The following TTLL5 variants were observed in gnomAD, a reference collection of about 807,000 sequenced individuals.
The protein encoded by TTLL5 is tubulin polyglutamylase TTLL5.
Under a neutral mutation model 168.4 loss-of-function variants are expected in TTLL5, and 132 were observed. The observed-to-expected ratio is 0.78, with a 90% CI of 0.68 to 0.91. The LOEUF is 0.91. Ranked by LOEUF, TTLL5 falls within the 40% of genes least tolerant of loss-of-function variation. TTLL5 has a pLI of 0.00. For synonymous variants in TTLL5, 546 were observed against 558.6 expected (o/e 0.98, Z 0.32); for missense variants, 1,545 against 1,581.5 (o/e 0.98, Z 0.39).
chr14:75,698,095 A>C (rs1885995342), intron 6 of TTLL5, among the ~76,000 whole-genome samples: 1 of 152,194 alleles, frequency 6.6e-6, no homozygotes, highest in Non-Finnish European at 1.5e-5. Context: ...TTTCATCAAA[A>C]GTGGAAGAGG....
At chr14:75,732,173 T>A in intron 12 of TTLL5, 165 bp from the exon 13 acceptor site, 1 of 572,690 alleles carries the variant, frequency 1.7e-6, no homozygotes. Context: ...TTAATTTCTC[T>A]TGAACTTGAA....
At chr14:75,728,389 C>T (rs1260884430) in intron 12 of TTLL5, among the ~76,000 whole-genome samples, 1 of 148,892 alleles carries the variant, frequency 6.7e-6, no homozygotes, top group African/African-American at 2.5e-5. Context: ...GAAAAAGAGA[C>T]TAAAGAGAAA....
chr14:75,855,150 GAAAAAAAA>G (rs55874311), intron 28 of TTLL5, among the ~76,000 whole-genome samples: 26 of 130,500 alleles, frequency 2.0e-4, no homozygotes, highest in South Asian at 4.8e-4. Context: ...TATGCTAGAA[GAAAAAAAA>G]AAAAAAAAGA....
At chr14:75,914,899 AG>A (rs1263456345) in intron 31 of TTLL5, among the ~76,000 whole-genome samples, 1 of 152,216 alleles carries the variant, frequency 6.6e-6, no homozygotes. Flanking sequence ...CTGGGATTAC[AG>A]GCATGAGCCA....
intron 31 of TTLL5, among the ~76,000 whole-genome samples, chr14:75,953,376 A>G (rs1049632779): frequency 1.3e-5 from 2 of 152,224 alleles, no homozygotes; most frequent in African/African-American, 4.8e-5. Context: ...TGGCCCAGCA[A>G]TTCCCCTCCT....
At chr14:75,883,595 A>G (rs1236901699) in intron 30 of TTLL5, among the ~76,000 whole-genome samples, 2 of 152,260 alleles carry the variant, frequency 1.3e-5, no homozygotes, top group East Asian at 1.9e-4. Flanking sequence ...CGGAAGATCA[A>G]TATTAGTTGT....
chr14:75,745,028 A>G (rs1343533057), intron 15 of TTLL5, 67 bp from the exon 16 acceptor site: 2 of 1,246,618 alleles, frequency 1.6e-6, no homozygotes, highest in Non-Finnish European at 2.3e-6. Flanking sequence ...GGGAATGAAC[A>G]GAGGGTAATG....
In TTLL5 at chr14:75,766,064, A is replaced by G; in HGVS notation, c.1711A>G (p.Ile571Val). ...LRAMRPKYPV[I>V]TQPAEMNVKT... ...CATTAGTGATTCTTCGTATTTAGTG[A>G]TTACCCAACCAGCTGAAATGAATGT... Residue 571 changes from isoleucine (I) to valine (V), a missense_variant and splice_region_variant, in exon 20 of 32, where the codon ATT (isoleucine) becomes GTT (valine). Transcript: ENST00000298832. 1 of 1,608,956 alleles carries G rather than the reference A, an allele frequency of 6.2e-7. No homozygotes were observed. The highest frequency in any genetic ancestry group is 8.5e-7 in the Non-Finnish European group (1 of 1,177,688).
At chr14:75,839,200 C>G (rs1896070088) in intron 28 of TTLL5, 1 of 152,314 alleles carries the variant, frequency 6.6e-6, no homozygotes, top group Non-Finnish European at 1.5e-5. Flanking sequence ...GCGGTCTAGA[C>G]CCTCCCATAG....
At chr14:75,918,523 T>C (rs570735109) in intron 31 of TTLL5, among the ~76,000 whole-genome samples, 1 of 152,102 alleles carries the variant, frequency 6.6e-6, no homozygotes, top group Non-Finnish European at 1.5e-5. Flanking sequence ...GGGGTCCCTA[T>C]TACCTTTCAG....
intron 29 of TTLL5, among the ~76,000 whole-genome samples, chr14:75,869,817 A>C (rs2030860603): frequency 3.8e-5 from 1 of 26,646 alleles, no homozygotes; most frequent in South Asian, 1.9e-3. Context: ...TACATTCAAC[A>C]AGTATTTTTT....
At chr14:75,857,737 C>A (rs1317293031) in intron 28 of TTLL5, among the ~76,000 whole-genome samples, 1 of 151,568 alleles carries the variant, frequency 6.6e-6, no homozygotes, top group Non-Finnish European at 1.5e-5. Flanking sequence ...CTGCAACCTC[C>A]GCCTCCCAGG....
At chr14:75,931,545 A>AGTT (rs1449126092) in intron 31 of TTLL5, among the ~76,000 whole-genome samples, 1 of 152,100 alleles carries the variant, frequency 6.6e-6, no homozygotes. Context: ...CTTCATCCTA[A>AGTT]GTTGTATCCT....
At chr14:75,801,188 A>C (rs538309336) in intron 27 of TTLL5, among the ~76,000 whole-genome samples, 1 of 152,038 alleles carries the variant, frequency 6.6e-6, no homozygotes, top group Non-Finnish European at 1.5e-5. Context: ...CTCTCCTTGG[A>C]CAGGGCTTGC....
Position 75,945,267 on chromosome 14 carries a change from A to T in TTLL5, c.3824-9157A>T, listed in dbSNP as rs920598692. Among the ~76,000 whole-genome samples, 269 of 148,470 alleles carry T rather than the reference A, an allele frequency of 1.8e-3. 1 individual carries two copies. Among genetic ancestry groups the T allele is most frequent in the African/African-American group, 5.6e-3 (228 of 40,830 alleles). On this transcript the variant is annotated intron_variant, in intron 31 of 31. Coordinates refer to ENST00000298832, the MANE Select transcript of TTLL5 (RefSeq NM_015072.5). ...TAATATATATTATATATAAAAAAAA[A>T]TTTTTTTTGAGACGGAGTCTTGCTC...
chr14:75,677,026 C>T (rs1884217245), intron 3 of TTLL5, among the ~76,000 whole-genome samples: 1 of 152,126 alleles, frequency 6.6e-6, no homozygotes, highest in Non-Finnish European at 1.5e-5. Context: ...CCCATCTCGG[C>T]CTTCCAAAGT....
chr14:75,774,713 G>A (rs898285139), intron 21 of TTLL5, among the ~76,000 whole-genome samples: 1 of 152,010 alleles, frequency 6.6e-6, no homozygotes, highest in African/African-American at 2.4e-5. Flanking sequence ...TTTTGAAATG[G>A]AATCTTGCTT....
intron 31 of TTLL5, chr14:75,906,682 C>T (rs543602147): frequency 4.5e-5 from 44 of 985,778 alleles, no homozygotes; most frequent in Middle Eastern, 5.2e-4. Flanking sequence ...TTTAAGGTAA[C>T]GGTAAGAATA....
chr14:75,924,514 G>A (rs1272038271), intron 31 of TTLL5, among the ~76,000 whole-genome samples: 1 of 151,836 alleles, frequency 6.6e-6, no homozygotes, highest in Non-Finnish European at 1.5e-5. Flanking sequence ...TCAAGCATCT[G>A]TTTAACAAAG....
Sources: allele counts gnomAD v4.1 joint callset (sites outside exome capture counted in the v4.1 genomes callset), GRCh38; gene constraint gnomAD v4.1.1; transcripts MANE v1.5; gene names NCBI Gene and HGNC (gene_info 2026-07-23, HGNC 2026-07-21).